Variants in AMMECR1 observed in about 807,000 individuals in gnomAD.
The protein encoded by AMMECR1 is AMMECR nuclear protein 1, also known as nuclear protein AMMECR1.
In AMMECR1, 3 loss-of-function variants were observed where a neutral mutation model predicts 22.5. The ratio of observed to expected loss-of-function variants is 0.13; its 90% CI spans 0.06 to 0.35. AMMECR1 has a LOEUF of 0.35. Among genes scored for constraint, AMMECR1 ranks in the 10% least tolerant of loss-of-function variants. AMMECR1 has a pLI of 1.00. For synonymous variants in AMMECR1, 130 were observed against 116.7 expected, an observed-to-expected ratio of 1.11 and a Z score of -0.74; for missense variants, 235 against 278.7, an observed-to-expected ratio of 0.84 and a Z score of 1.12.
chrX:110,390,891 T>G (rs2068489470), intron 2 of AMMECR1, among the ~76,000 whole-genome samples: 1 of 112,019 alleles, frequency 8.9e-6, no homozygotes, highest in African/African-American at 3.2e-5. Context: ...TATTTATTCT[T>G]GAACCAGCTT....
intron 2 of AMMECR1, among the ~76,000 whole-genome samples, chrX:110,376,390 G>A (rs1420181512): frequency 9.0e-6 from 1 of 111,373 alleles, no homozygotes; most frequent in African/African-American, 3.3e-5. Flanking sequence ...AGAGTGAGGC[G>A]TCAACATGAG....
chrX:110,392,534 C>T (rs5985465), intron 2 of AMMECR1, among the ~76,000 whole-genome samples: 1,623 of 111,880 alleles, frequency 0.015, 19 homozygotes, highest in Middle Eastern at 0.032. Context: ...CCTCTCACTT[C>T]GGCCTCCCAA....
At chrX:110,275,847 A>G (rs1433131997) in intron 1 of AMMECR1, among the ~76,000 whole-genome samples, 5 of 111,679 alleles carry the variant, frequency 4.5e-5, no homozygotes, top group Non-Finnish European at 9.4e-5. Context: ...AAATAAATAA[A>G]TAAATAATTA....
At chrX:110,229,922 T>C (rs1433414478) in intron 2 of AMMECR1, among the ~76,000 whole-genome samples, 1 of 112,904 alleles carries the variant, frequency 8.9e-6, no homozygotes, top group African/African-American at 3.2e-5. Context: ...CAGTCTGAGA[T>C]GCATCTGCGA....
chrX:110,288,778 C>A (rs1183851274), intron 1 of AMMECR1, among the ~76,000 whole-genome samples: 1 of 112,067 alleles, frequency 8.9e-6, no homozygotes, highest in African/African-American at 3.2e-5. Context: ...AGACTAGAGT[C>A]CACCCTGGAC....
In AMMECR1 at chrX:110,277,331, G is replaced by A. The variant is rs1035212030; in HGVS notation, c.474-12732C>T. ...TCGCAAGGACAGAAAACCAAACACC[G>A]CATGTTCTCACTCACAGGTGGGCAC... On this transcript the variant is annotated intron_variant, in intron 1 of 5. Coordinates refer to ENST00000262844, the MANE Select transcript of AMMECR1 (RefSeq NM_015365.3). Among the ~76,000 whole-genome samples, 2 of 106,882 alleles carry A rather than the reference G, an allele frequency of 1.9e-5. 1 individual carries two copies. The highest frequency in any genetic ancestry group is 9.6e-3 in the Middle Eastern group (2 of 209). 92.8% of individuals were successfully genotyped at this position (106,882 alleles called of 115,157 possible).
At chrX:110,279,537 G>GT (rs778120084) in intron 1 of AMMECR1, among the ~76,000 whole-genome samples, 6 of 111,916 alleles carry the variant, frequency 5.4e-5, no homozygotes, top group Admixed American at 4.7e-4. Flanking sequence ...CTTTCTGGGA[G>GT]TATCAGTTTG....
At chrX:110,248,495 C>T (rs2067671009) in intron 2 of AMMECR1, among the ~76,000 whole-genome samples, 2 of 112,086 alleles carry the variant, frequency 1.8e-5, no homozygotes, top group African/African-American at 6.5e-5. Context: ...AAGATGGACA[C>T]AGTCCACGAC....
At chrX:110,366,005 C>T (rs909787833) in intron 2 of AMMECR1, among the ~76,000 whole-genome samples, 12 of 111,580 alleles carry the variant, frequency 1.1e-4, no homozygotes, top group Non-Finnish European at 1.9e-4. Flanking sequence ...TTTAGGGGAA[C>T]TAGATAGAAC....
chrX:110,306,658 A>G (rs1266445720), intron 1 of AMMECR1: 1 of 110,838 alleles, frequency 9.0e-6, no homozygotes, highest in Non-Finnish European at 1.9e-5. Context: ...GGGTTTCTCC[A>G]TATTGGTCAG....
At chrX:110,218,292 G>T (rs1441172280) in intron 2 of AMMECR1, among the ~76,000 whole-genome samples, 1 of 110,920 alleles carries the variant, frequency 9.0e-6, no homozygotes, top group Non-Finnish European at 1.9e-5. Context: ...ACTGTTAAAA[G>T]AAGAAAAAGA....
intron 2 of AMMECR1, among the ~76,000 whole-genome samples, chrX:110,410,504 C>T (rs1011787624): frequency 9.0e-6 from 1 of 111,620 alleles, no homozygotes; most frequent in Non-Finnish European, 1.9e-5. Context: ...ACACTTTGAC[C>T]GAAAATCTCC....
At chrX:110,336,131 CA>C (rs1239103275) in intron 2 of AMMECR1, among the ~76,000 whole-genome samples, 54 of 111,675 alleles carry the variant, frequency 4.8e-4, no homozygotes, top group African/African-American at 1.6e-3. Flanking sequence ...AAATGGAGGA[CA>C]GTTAAGCAAA....
chrX:110,412,689 C>T (rs768318724), intron 2 of AMMECR1, among the ~76,000 whole-genome samples: 4 of 112,399 alleles, frequency 3.6e-5, no homozygotes, highest in Admixed American at 9.4e-5. Flanking sequence ...ATGACAATGA[C>T]GATGTAGCCA....
intron 2 of AMMECR1, among the ~76,000 whole-genome samples, chrX:110,240,391 A>C (rs1449887037): frequency 9.3e-5 from 9 of 97,266 alleles, no homozygotes; most frequent in Non-Finnish European, 1.4e-4. Context: ...AGCAAAAAAA[A>C]AAAAACAAAA....
At chrX:110,401,171 A>G (rs761243751) in intron 2 of AMMECR1, among the ~76,000 whole-genome samples, 2 of 112,455 alleles carry the variant, frequency 1.8e-5, no homozygotes, top group Non-Finnish European at 3.8e-5. Flanking sequence ...CTGCAAAGCT[A>G]GGATTTGAAC....
intron 2 of AMMECR1, among the ~76,000 whole-genome samples, chrX:110,350,343 ATACT>A (rs1192184909): frequency 8.9e-6 from 1 of 111,931 alleles, no homozygotes; most frequent in Non-Finnish European, 1.9e-5. Context: ...AGATAACATC[ATACT>A]TAATGGTGAA....
chrX:110,258,399 T>C (rs902970018), intron 2 of AMMECR1, among the ~76,000 whole-genome samples: 9 of 111,665 alleles, frequency 8.1e-5, no homozygotes, highest in Non-Finnish European at 3.8e-5. Flanking sequence ...TTTGAGCAGA[T>C]AGTTCACCAT....
chrX:110,321,376 G>A (rs2068078519), upstream of AMMECR1, among the ~76,000 whole-genome samples: 1 of 109,937 alleles, frequency 9.1e-6, no homozygotes, highest in Non-Finnish European at 1.9e-5. Flanking sequence ...ATAGGCCATA[G>A]TCTCTTTGTC....
Sources: allele counts gnomAD v4.1 joint callset (sites outside exome capture counted in the v4.1 genomes callset), GRCh38; gene constraint gnomAD v4.1.1; transcripts MANE v1.5; gene names NCBI Gene and HGNC (gene_info 2026-07-23, HGNC 2026-07-21).